EPHA3: variants seen among roughly 807,000 people sequenced by gnomAD.
EPHA3 encodes ephrin type-A receptor 3.
Under a neutral mutation model 107.1 loss-of-function variants are expected in EPHA3, and 42 were observed. The observed-to-expected ratio is 0.39, with a 90% CI of 0.31 to 0.51. The LOEUF (loss-of-function observed/expected upper bound fraction) is 0.51. EPHA3 is among the 20% of genes least tolerant of loss of function. The probability of loss-of-function intolerance (pLI) is 0.78; values close to 1 mark genes in which losing one functional copy is unlikely to be tolerated. For synonymous variants in EPHA3, 461 were observed against 424.8 expected (o/e 1.09, Z -1.05); for missense variants, 1,183 against 1,211.2 (o/e 0.98, Z 0.35).
intron 3 of EPHA3, among the ~76,000 whole-genome samples, chr3:89,290,314 A>T (rs1033984631): frequency 1.1e-4 from 17 of 152,136 alleles, no homozygotes; most frequent in African/African-American, 3.9e-4. Context: ...ATTTCTGCCA[A>T]ACTTACTCTG....
At chr3:89,264,083 C>T (rs1160317237) in intron 3 of EPHA3, among the ~76,000 whole-genome samples, 1 of 152,094 alleles carries the variant, frequency 6.6e-6, no homozygotes, top group Admixed American at 6.5e-5. Context: ...AGTCCAAAAT[C>T]TCATTTAAAT....
chr3:89,236,846 C>T (rs1226666843), intron 3 of EPHA3, among the ~76,000 whole-genome samples: 3 of 152,020 alleles, frequency 2.0e-5, no homozygotes, highest in Admixed American at 6.5e-5. Context: ...GTAAACGTGA[C>T]TTAGAATATC....
intron 3 of EPHA3, among the ~76,000 whole-genome samples, chr3:89,258,284 G>A (rs1262631929): frequency 1.3e-5 from 2 of 152,154 alleles, no homozygotes; most frequent in Non-Finnish European, 2.9e-5. Context: ...CGAGAGAAAC[G>A]ACAAGCAAGT....
chr3:89,318,109 G>T lies in EPHA3; in HGVS notation c.815-22807G>T, dbSNP rs374599832. Among the ~76,000 whole-genome samples, 40 of 151,936 alleles carry T rather than the reference G, an allele frequency of 2.6e-4. No individual in the cohort carries two copies. In the South Asian group the frequency reaches 6.8e-3, roughly 26 times the overall value. Reference sequence around the variant, plus strand: ...TCAGCATACTTCCATGACCCAGTCAGATTCAATTTGGAAAAACCTTGGATC... The same window carrying T: ...TCAGCATACTTCCATGACCCAGTCATATTCAATTTGGAAAAACCTTGGATC... On this transcript the variant is annotated intron_variant, in intron 3 of 16. Transcript: ENST00000336596.
intron 11 of EPHA3, among the ~76,000 whole-genome samples, chr3:89,424,793 CTCTAACTAGCATAATG>C (rs1401055416): frequency 6.6e-6 from 1 of 151,536 alleles, no homozygotes; most frequent in African/African-American, 2.4e-5. Context: ...CATGACTCAG[CTCTAACTAGCATAATG>C]GACAGTAAAT....
intron 3 of EPHA3, among the ~76,000 whole-genome samples, chr3:89,261,602 A>G (rs1705418545): frequency 6.6e-6 from 1 of 152,170 alleles, no homozygotes; most frequent in African/African-American, 2.4e-5. Flanking sequence ...ATAAGTGCTC[A>G]AAATAAATAT....
intron 2 of EPHA3, among the ~76,000 whole-genome samples, chr3:89,170,210 C>G (rs1705180052): frequency 2.7e-5 from 4 of 149,796 alleles, no homozygotes; most frequent in East Asian, 2.0e-4. Context: ...GAGCAGAGAT[C>G]GCGCCACTGC....
intron 3 of EPHA3, among the ~76,000 whole-genome samples, chr3:89,333,539 T>C (rs1453706929): frequency 2.0e-5 from 3 of 152,070 alleles, no homozygotes; most frequent in Admixed American, 2.0e-4. Context: ...CACTTAAACT[T>C]GAAGAGCTGA....
At chr3:89,310,157 C>A (rs1706729544) in intron 3 of EPHA3, among the ~76,000 whole-genome samples, 1 of 151,992 alleles carries the variant, frequency 6.6e-6, no homozygotes, top group Admixed American at 6.6e-5. Context: ...CCTGTATAGC[C>A]CTTTGAGCAG....
At chr3:89,336,438 T>C (rs1707394593) in intron 3 of EPHA3, among the ~76,000 whole-genome samples, 1 of 152,166 alleles carries the variant, frequency 6.6e-6, no homozygotes, top group African/African-American at 2.4e-5. Context: ...TGAGCACAAG[T>C]TGATTTACTG....
intron 13 of EPHA3, among the ~76,000 whole-genome samples, chr3:89,432,689 A>G (rs1392590311): frequency 5.9e-5 from 9 of 152,188 alleles, no homozygotes; most frequent in Admixed American, 2.0e-4. Flanking sequence ...CATAATTATT[A>G]GCATTTTAAA....
chr3:89,282,556 G>A (rs1388143269), intron 3 of EPHA3, among the ~76,000 whole-genome samples: 3 of 151,730 alleles, frequency 2.0e-5, no homozygotes, highest in African/African-American at 7.3e-5. Context: ...TATTTTCATG[G>A]AAATTTATAG....
chr3:89,382,258 G>A (rs78332476), intron 5 of EPHA3, among the ~76,000 whole-genome samples: 4,748 of 152,042 alleles, frequency 0.031, 242 homozygotes, highest in African/African-American at 0.11. Context: ...ATGTAATCTT[G>A]GCACTTTGAG....
intron 5 of EPHA3, among the ~76,000 whole-genome samples, chr3:89,383,604 C>G (rs558845879): frequency 2.8e-5 from 4 of 144,206 alleles, no homozygotes; most frequent in Non-Finnish European, 6.0e-5. Context: ...TAATAAGAAA[C>G]AAAACTTCAC....
intron 3 of EPHA3, among the ~76,000 whole-genome samples, chr3:89,221,155 C>A (rs946077167): frequency 6.6e-6 from 1 of 151,292 alleles, no homozygotes; most frequent in Non-Finnish European, 1.5e-5. Context: ...AGCTCATCAG[C>A]CTGCTTTACC....
chr3:89,208,368 GAAA>G (rs68032279), intron 2 of EPHA3, among the ~76,000 whole-genome samples: 3 of 90,320 alleles, frequency 3.3e-5, no homozygotes, highest in African/African-American at 1.4e-4. Flanking sequence ...AAGACTCTGT[GAAA>G]AAAAAAAAAA....
intron 5 of EPHA3, among the ~76,000 whole-genome samples, chr3:89,384,276 T>A (rs1185382592): frequency 6.6e-6 from 1 of 152,126 alleles, no homozygotes; most frequent in Non-Finnish European, 1.5e-5. Flanking sequence ...AAAGCAATCC[T>A]GCATTGGTTG....
intron 10 of EPHA3, among the ~76,000 whole-genome samples, chr3:89,416,419 G>C (rs1709248751): frequency 6.6e-6 from 1 of 151,244 alleles, no homozygotes; most frequent in African/African-American, 2.4e-5. Flanking sequence ...CATTTGCCCA[G>C]TCTTTGTTAA....
At chr3:89,475,846 T>G (rs1373530878) in intron 16 of EPHA3, among the ~76,000 whole-genome samples, 1 of 152,104 alleles carries the variant, frequency 6.6e-6, no homozygotes, top group Non-Finnish European at 1.5e-5. Flanking sequence ...CCGCCACTCT[T>G]CTGAACAGGA....
Sources: allele counts gnomAD v4.1 joint callset (sites outside exome capture counted in the v4.1 genomes callset), GRCh38; gene constraint gnomAD v4.1.1; transcripts MANE v1.5; gene names NCBI Gene and HGNC (gene_info 2026-07-23, HGNC 2026-07-21).